KIAA1755: variants seen among roughly 807,000 people sequenced by gnomAD.
The protein encoded by KIAA1755 is uncharacterized protein KIAA1755.
Under a neutral mutation model 91.7 loss-of-function variants are expected in KIAA1755, and 68 were observed. The ratio of observed to expected loss-of-function variants is 0.74; its 90% CI spans 0.61 to 0.91. The LOEUF (loss-of-function observed/expected upper bound fraction) is 0.91. Ranked by LOEUF, KIAA1755 falls within the 40% of genes least tolerant of loss-of-function variation. The pLI is 0.00. For synonymous variants in KIAA1755, 610 were observed against 604.6 expected, an observed-to-expected ratio of 1.01 and a Z score of -0.13; for missense variants, 1,535 against 1,494.4, an observed-to-expected ratio of 1.03 and a Z score of -0.45.
At position 38,260,624 on chromosome 20, in the gene KIAA1755, C is replaced by T; in HGVS notation, c.-124G>A. 1 of 1,248,390 alleles carries T rather than the reference C, an allele frequency of 8.0e-7. No homozygotes were observed. The highest frequency in any genetic ancestry group is 3.1e-5 in the Admixed American group (1 of 32,524). The allele number at this position is 1,248,390 out of a possible 1,614,324, so 77.3% of individuals were successfully genotyped here. A position where few individuals can be genotyped will look rare whatever the true frequency, so the allele number is the denominator to read the frequency against. ...CTAGCCCTGGAGCCAGGGGATAGGG[C>T]AGGCCCGGGGCACCGACCCCGGCGT... On this transcript the variant is annotated 5_prime_UTR_variant, in exon 1 of 14. Coordinates refer to ENST00000279024, the MANE Select transcript of KIAA1755 (RefSeq NM_001029864.2).
chr20:38,219,786 G>T lies in KIAA1755; in HGVS notation c.2418-18C>A, dbSNP rs1555818707. 20 of 1,613,836 alleles carry T rather than the reference G, an allele frequency of 1.2e-5. No homozygotes were observed. The highest frequency in any genetic ancestry group is 1.7e-5 in the Non-Finnish European group (20 of 1,179,918). ...GATGGCTCCTGGGAGGTGGGCGGAG[G>T]TGAGAAAAGGCCTCTGTTGCCCTCT... On this transcript the variant is annotated intron_variant, in intron 10 of 13. Coordinates refer to ENST00000279024, the MANE Select transcript of KIAA1755 (RefSeq NM_001029864.2).
chr20:38,216,912 G>A, intron 13 of KIAA1755: 1 of 547,656 alleles, frequency 1.8e-6, no homozygotes, highest in Non-Finnish European at 3.5e-6. Flanking sequence ...CTTCTCTTTG[G>A]GGAAGCATAT....
In KIAA1755 at chr20:38,222,438, G is replaced by C. The variant is rs2075675909; in HGVS notation, c.2417+11C>G. The C allele has an allele frequency of 6.2e-7, 1 of 1,611,044 alleles. No individual in the cohort carries two copies. On this transcript the variant is annotated intron_variant, in intron 10 of 13. Transcript: ENST00000279024. Reference sequence around the variant, plus strand: ...GATGGGGTGGAAGAGGAAAGGCCTGGACGTCTGTACCTGACATCAGGGCTG... The same window carrying C: ...GATGGGGTGGAAGAGGAAAGGCCTGCACGTCTGTACCTGACATCAGGGCTG...
Position 38,213,271 on chromosome 20 carries a change from G to A in KIAA1755, c.3374C>T (p.Ser1125Phe), listed in dbSNP as rs781620000. The change falls in exon 14 of 14, where the codon TCT becomes TTT. Residue 1125 changes from serine (S) to phenylalanine (F), a missense_variant. By Grantham distance (155) the Ser-to-Phe change is radical. Transcript: ENST00000279024. ...GEQNRTFQAG[S>F]PPQEAGQAAE... The stretch of plus-strand genomic sequence containing the variant: ...AGCCTGGCCAGCTTCCTGGGGTGGA[G>A]AGCCTGCCTGGAAAGTTCTGTTCTG... 1.9e-6 allele frequency: 3 copies of A among 1,613,650 alleles called. No individual in the cohort carries two copies. Among genetic ancestry groups the A allele is most frequent in the Admixed American group, 1.7e-5 (1 of 60,012 alleles).
intron 4 of KIAA1755, among the ~76,000 whole-genome samples, chr20:38,237,794 A>C (rs1403620451): frequency 4.7e-5 from 7 of 149,606 alleles, no homozygotes; most frequent in Non-Finnish European, 1.0e-4. Flanking sequence ...TTAACATGAA[A>C]ACCCGGCGGG....
intron 7 of KIAA1755, among the ~76,000 whole-genome samples, chr20:38,226,620 C>T (rs1425435810): frequency 6.6e-6 from 1 of 152,210 alleles, no homozygotes; most frequent in Non-Finnish European, 1.5e-5. Flanking sequence ...ACTGACTGCC[C>T]TTACTCATTA....
intron 1 of KIAA1755, among the ~76,000 whole-genome samples, chr20:38,248,214 G>A (rs2076189537): frequency 6.6e-6 from 1 of 152,134 alleles, no homozygotes; most frequent in African/African-American, 2.4e-5. Context: ...AGGCGACAGA[G>A]CAATAATAAA....
intron 5 of KIAA1755, among the ~76,000 whole-genome samples, chr20:38,230,689 G>A (rs891086136): frequency 2.2e-4 from 34 of 152,292 alleles, no homozygotes; most frequent in African/African-American, 7.9e-4. Flanking sequence ...GGGAGCTCAA[G>A]ACCAGCCTGA....
Position 38,227,023 on chromosome 20 carries a change from A to T in KIAA1755, c.2052+131T>A. The T allele has an allele frequency of 4.8e-6, 3 of 620,120 alleles. No homozygotes were observed. The East Asian group carries it at 8.7e-5, about 18-fold the overall frequency. 38.4% of individuals were successfully genotyped at this position (620,120 alleles called of 1,614,324 possible). A position where few individuals can be genotyped will look rare whatever the true frequency, so the allele number is the denominator to read the frequency against. On this transcript the variant is annotated intron_variant, in intron 7 of 13. Coordinates refer to ENST00000279024, the MANE Select transcript of KIAA1755 (RefSeq NM_001029864.2). ...TTGGTAGCGCTTAGGCCTCGTATTT[A>T]TTGCCTTACACTAGATTACCTCCAG...
chr20:38,245,204 T>C (rs1481637323), intron 2 of KIAA1755, among the ~76,000 whole-genome samples: 1 of 152,216 alleles, frequency 6.6e-6, no homozygotes, highest in African/African-American at 2.4e-5. Flanking sequence ...GTGCAGTGGA[T>C]GGGAAAGAGT....
intron 1 of KIAA1755, among the ~76,000 whole-genome samples, chr20:38,249,297 G>T (rs778646092): frequency 6.6e-6 from 1 of 152,182 alleles, no homozygotes; most frequent in African/African-American, 2.4e-5. Context: ...CCCCAGCCTG[G>T]TTGCAAGCTC....
Position 38,219,610 on chromosome 20 carries a change from A to G in KIAA1755, c.2556+20T>C, listed in dbSNP as rs372242362. ...TGGCCAGGCAGAACCCCCACACCCC[A>G]AGCCAGACACCCCTTTCACCTGGTG... is the stretch of plus-strand genomic sequence containing the variant. On this transcript the variant is annotated intron_variant, in intron 11 of 13. Coordinates refer to ENST00000279024, the MANE Select transcript of KIAA1755 (RefSeq NM_001029864.2). The G allele has an allele frequency of 1.1e-5, 18 of 1,613,400 alleles. No individual in the cohort carries two copies. In the African/African-American group the frequency reaches 1.6e-4, roughly 14 times the overall value.
chr20:38,257,800 G>T (rs1017243920), intron 1 of KIAA1755, among the ~76,000 whole-genome samples: 6 of 151,744 alleles, frequency 4.0e-5, no homozygotes, highest in Non-Finnish European at 4.4e-5. Flanking sequence ...TTTAACAAAA[G>T]AAAACAGTCC....
chr20:38,219,483 A>G (rs958472137), intron 11 of KIAA1755, 147 bp downstream of exon 11: 1 of 1,017,786 alleles, frequency 9.8e-7, no homozygotes, highest in Non-Finnish European at 1.4e-6. Flanking sequence ...CGCCCCAAGG[A>G]TGCCTGCCTG....
rs777538900 is a variant in KIAA1755 at position 38,231,221 on chromosome 20, A to G, written c.1852T>C (p.Tyr618His). Residue 618 changes from tyrosine (Y) to histidine (H), a missense_variant, in exon 5 of 14, where the codon TAC (tyrosine) becomes CAC (histidine). Tyr to His is a moderately conservative substitution (Grantham distance 83, BLOSUM62 2). Coordinates refer to ENST00000279024, the MANE Select transcript of KIAA1755 (RefSeq NM_001029864.2). ...TVSEVTKLLS[Y>H]LCTIPRPEDK... ...CCTTACCTGGGGATGGTACACAGGT[A>G]GGACAGTAGCTTGGTGACCTCTGAA... is the stretch of plus-strand genomic sequence containing the variant. 8.1e-6 allele frequency: 13 copies of G among 1,613,744 alleles called. No individual in the cohort carries two copies. The East Asian group carries it at 2.9e-4, about 36-fold the overall frequency.
At position 38,212,091 on chromosome 20, in the gene KIAA1755, G is replaced by A. The variant is rs2075458360; in HGVS notation, c.*951C>T. The A allele has an allele frequency of 6.6e-6, 1 of 152,302 alleles. No homozygotes were observed. Among genetic ancestry groups the A allele is most frequent in the Admixed American group, 6.5e-5 (1 of 15,276 alleles). 9.4% of individuals were successfully genotyped at this position (152,302 alleles called of 1,614,324 possible). ...AGCACTTTGGGAGGCTGAGTCCAGAGGATCACTTGAGCTTGAGATCAGCCT... is the reference window on the plus strand; with the variant it reads ...AGCACTTTGGGAGGCTGAGTCCAGAAGATCACTTGAGCTTGAGATCAGCCT... On this transcript the variant is annotated 3_prime_UTR_variant, in exon 14 of 14. Transcript: ENST00000279024.
At chr20:38,250,984 G>A (rs1381351070) in intron 1 of KIAA1755, among the ~76,000 whole-genome samples, 3 of 152,006 alleles carry the variant, frequency 2.0e-5, no homozygotes, top group Admixed American at 1.3e-4. Context: ...GGCATAAATC[G>A]AATGTAACTC....
chr20:38,260,569 C>T lies in KIAA1755; in HGVS notation c.-69G>A. On this transcript the variant is annotated 5_prime_UTR_variant, in exon 1 of 14. Transcript: ENST00000279024. ...GCGCGGGGTCTGTGGGTCCGCGGGT[C>T]CGTCTGTCTGGGGCAGCCCTCGGTC... 1 of 1,477,630 alleles carries T rather than the reference C, an allele frequency of 6.8e-7. No individual in the cohort carries two copies. Among genetic ancestry groups the T allele is most frequent in the African/African-American group, 1.4e-5 (1 of 69,788 alleles). The allele number at this position is 1,477,630 out of a possible 1,614,324, so 91.5% of individuals were successfully genotyped here.
chr20:38,253,833 G>T (rs577072182), intron 1 of KIAA1755, among the ~76,000 whole-genome samples: 1 of 152,288 alleles, frequency 6.6e-6, no homozygotes, highest in East Asian at 1.9e-4. Flanking sequence ...CTTTGTAAAT[G>T]GTCTCACCAG....
Sources: gnomAD v4.1 joint callset for allele counts (sites outside exome capture counted in the v4.1 genomes callset) on GRCh38, gnomAD v4.1.1 for gene constraint, MANE v1.5 for transcripts, NCBI Gene and HGNC (gene_info 2026-07-23, HGNC 2026-07-21) for gene names.